The following SHB variants were observed in gnomAD, a reference collection of about 807,000 sequenced individuals.
SHB encodes the protein SH2 domain-containing adapter protein B.
A neutral mutation model predicts 52.3 loss-of-function variants in SHB; 20 were observed. That is an observed-to-expected ratio of 0.38 (90% confidence interval 0.27 to 0.56). SHB has a LOEUF of 0.56. SHB is among the 20% of genes least tolerant of loss of function. SHB has a pLI of 0.71. For missense variants in SHB, 825 were observed against 723.3 expected (o/e 1.14, Z -1.61); for synonymous variants, 397 against 316.5 (o/e 1.25, Z -2.70).
intron 1 of SHB, among the ~76,000 whole-genome samples, chr9:38,039,114 C>A (rs111334309): frequency 6.6e-6 from 1 of 152,148 alleles, no homozygotes; most frequent in Non-Finnish European, 1.5e-5. Flanking sequence ...CATTTTCTTC[C>A]CCGGAAAAAT....
At position 37,974,657 on chromosome 9, in the gene SHB, C is replaced by G. The variant is rs1328472609; in HGVS notation, c.1019G>C (p.Trp340Ser). 6.2e-7 allele frequency: 1 copy of G among 1,613,736 alleles called. No individual in the cohort carries two copies. Among genetic ancestry groups the G allele is most frequent in the African/African-American group, 1.3e-5 (1 of 75,020 alleles). ...DRPADEYDQPWEWNRVTIPAL... is the reference protein window; with the variant it reads ...DRPADEYDQPSEWNRVTIPAL... Reference sequence around the variant, plus strand: ...TGGGATGGTGACCCGGTTCCACTCCCAAGGCTGGTCGTACTCATCGGCGGG... The same window carrying G: ...TGGGATGGTGACCCGGTTCCACTCCGAAGGCTGGTCGTACTCATCGGCGGG... Residue 340 changes from tryptophan (W) to serine (S), a missense_variant, in exon 3 of 6, where the codon TGG (tryptophan) becomes TCG (serine). Coordinates refer to ENST00000377707, the MANE Select transcript of SHB (RefSeq NM_003028.3).
At chr9:37,923,129 CAGATGCCCAG>C (rs1481295144) in intron 5 of SHB, among the ~76,000 whole-genome samples, 1 of 152,196 alleles carries the variant, frequency 6.6e-6, no homozygotes, top group Non-Finnish European at 1.5e-5. Context: ...TTATCAGCAG[CAGATGCCCAG>C]AGTCAGTGCT....
At chr9:37,996,041 T>C (rs1214754487) in intron 2 of SHB, among the ~76,000 whole-genome samples, 2 of 152,250 alleles carry the variant, frequency 1.3e-5, no homozygotes. Flanking sequence ...AAATGAAATG[T>C]ACCAGGGTGC....
chr9:38,011,178 G>A (rs561555354), intron 2 of SHB, among the ~76,000 whole-genome samples: 6 of 152,268 alleles, frequency 3.9e-5, no homozygotes, highest in African/African-American at 1.2e-4. Flanking sequence ...CAAGACCTGG[G>A]GAAGAGGGAA....
At chr9:37,956,536 G>T (rs772858250) in intron 3 of SHB, among the ~76,000 whole-genome samples, 6 of 152,200 alleles carry the variant, frequency 3.9e-5, no homozygotes, top group Non-Finnish European at 8.8e-5. Flanking sequence ...CCACTTAGGG[G>T]TCATGCTACA....
intron 2 of SHB, among the ~76,000 whole-genome samples, chr9:37,990,990 C>T (rs1215667720): frequency 2.0e-5 from 3 of 152,156 alleles, no homozygotes; most frequent in Admixed American, 1.3e-4. Context: ...ATCCTTGTCT[C>T]GGGAGGGAGA....
At chr9:38,010,078 AG>A (rs1440011376) in intron 2 of SHB, among the ~76,000 whole-genome samples, 1 of 152,232 alleles carries the variant, frequency 6.6e-6, no homozygotes, top group Non-Finnish European at 1.5e-5. Context: ...TGGGGAACAC[AG>A]GACAGATGAG....
intron 3 of SHB, among the ~76,000 whole-genome samples, chr9:37,972,554 C>G (rs1587221168): frequency 6.6e-6 from 1 of 152,148 alleles, no homozygotes; most frequent in African/African-American, 2.4e-5. Context: ...GAAATCTTCC[C>G]CCAGTGATGT....
rs779864653 is a variant in SHB at position 37,918,421 on chromosome 9, CTGTGTG to C, written c.*1394_*1399del. Reference sequence around the variant, plus strand: ...TGGAAGCAGTGTGGACCACTGAGGGCTGTGTGTGTGTGTGTGTGTGTGTGTAGGTGT... The same window carrying C: ...TGGAAGCAGTGTGGACCACTGAGGGCTGTGTGTGTGTGTGTGTGTAGGTGT... On this transcript the variant is annotated 3_prime_UTR_variant, in exon 6 of 6. Coordinates refer to ENST00000377707, the MANE Select transcript of SHB (RefSeq NM_003028.3). 7.6e-5 allele frequency among the ~76,000 whole-genome samples: 7 copies of C among 92,050 alleles called. No individual in the cohort carries two copies. The highest frequency in any genetic ancestry group is 1.6e-4 in the African/African-American group (4 of 24,824). The allele number at this position is 92,050 out of a possible 152,430, so 60.4% of individuals were successfully genotyped here. A position where few individuals can be genotyped will look rare whatever the true frequency, so the allele number is the denominator to read the frequency against.
intron 3 of SHB, among the ~76,000 whole-genome samples, chr9:37,960,714 CACCAATCAGTCCTAAAAT>C (rs1832684298): frequency 6.6e-6 from 1 of 152,180 alleles, no homozygotes; most frequent in Non-Finnish European, 1.5e-5. Flanking sequence ...ACAGATTTTA[CACCAATCAGTCCTAAAAT>C]GTGGTCACTG....
Position 38,033,161 on chromosome 9 carries a change from C to T in SHB, c.718-17030G>A, listed in dbSNP as rs117698067. Among the ~76,000 whole-genome samples the T allele has an allele frequency of 3.9e-5, 6 of 152,316 alleles. No homozygotes were observed. In the East Asian group the frequency reaches 9.7e-4, roughly 25 times the overall value. On this transcript the variant is annotated intron_variant, in intron 1 of 5. Coordinates refer to ENST00000377707, the MANE Select transcript of SHB (RefSeq NM_003028.3). ...GACTGGACGATCTAAGGAGATGAGG[C>T]GGCCCTCAGGGTCAGCATGGTTAGC...
Position 37,925,408 on chromosome 9 carries a change from G to A in SHB, c.1347-5404C>T, listed in dbSNP as rs138060619. Among the ~76,000 whole-genome samples the A allele has an allele frequency of 4.0e-3, 605 of 152,328 alleles. 2 individuals are homozygous for A. Among genetic ancestry groups the A allele is most frequent in the African/African-American group, 0.014 (591 of 41,558 alleles). On this transcript the variant is annotated intron_variant, in intron 5 of 5. Coordinates refer to ENST00000377707, the MANE Select transcript of SHB (RefSeq NM_003028.3). ...TTCCGGAGGGTCATCCCTATGAGGT[G>A]AGTACACAGGCACACGCTTTTCAAA...
intron 3 of SHB, among the ~76,000 whole-genome samples, chr9:37,971,573 A>G (rs1820590601): frequency 1.3e-5 from 2 of 152,210 alleles, no homozygotes; most frequent in African/African-American, 4.8e-5. Context: ...CTGAGCCAAA[A>G]GCAGCTTGGG....
intron 2 of SHB, 79 bp from the exon 3 acceptor site, chr9:37,974,916 A>G (rs1367645898): frequency 1.6e-6 from 2 of 1,231,078 alleles, no homozygotes; most frequent in Non-Finnish European, 2.4e-6. Context: ...GAAACACCAC[A>G]AACTCAGAGC....
chr9:38,063,792 G>C (rs891146030), intron 1 of SHB, among the ~76,000 whole-genome samples: 8 of 142,700 alleles, frequency 5.6e-5, no homozygotes, highest in Admixed American at 2.8e-4. Context: ...CTGTTTGCTG[G>C]ATGTTTTTTT....
At chr9:38,021,672 G>GAA (rs35440284) in intron 1 of SHB, among the ~76,000 whole-genome samples, 1 of 136,382 alleles carries the variant, frequency 7.3e-6, no homozygotes, top group Non-Finnish European at 1.6e-5. Context: ...TGTCTCAAAA[G>GAA]AAAAAAAAAA....
intron 5 of SHB, among the ~76,000 whole-genome samples, chr9:37,939,059 C>T (rs1832407706): frequency 6.6e-6 from 1 of 152,212 alleles, no homozygotes; most frequent in Non-Finnish European, 1.5e-5. Flanking sequence ...CCACACACCT[C>T]TCCTTTCTAC....
chr9:37,959,322 T>G (rs1220759971), intron 3 of SHB, among the ~76,000 whole-genome samples: 1 of 152,098 alleles, frequency 6.6e-6, no homozygotes, highest in Non-Finnish European at 1.5e-5. Context: ...CCATGATGCC[T>G]CCCTGCTGCT....
chr9:38,015,984 G>C (rs759962990), intron 2 of SHB, 27 bp downstream of exon 2: 2 of 1,612,122 alleles, frequency 1.2e-6, no homozygotes, highest in African/African-American at 2.7e-5. Context: ...CCCCAGCTGT[G>C]AGCCCCTGCG....
Sources: allele counts gnomAD v4.1 joint callset (sites outside exome capture counted in the v4.1 genomes callset), GRCh38; gene constraint gnomAD v4.1.1; transcripts MANE v1.5; gene names NCBI Gene and HGNC (gene_info 2026-07-23, HGNC 2026-07-21).